The following MEGF10 variants were observed in gnomAD, a reference collection of about 807,000 sequenced individuals.
MEGF10 encodes the protein multiple EGF like domains 10, also known as multiple epidermal growth factor-like domains protein 10.
Under a neutral mutation model 147.5 loss-of-function variants are expected in MEGF10, and 86 were observed. That is an observed-to-expected ratio of 0.58 (90% CI 0.49 to 0.70). MEGF10 has a LOEUF of 0.70. MEGF10 is among the 30% of genes least tolerant of loss of function. The pLI is 0.00. For synonymous variants in MEGF10, 478 were observed against 525.5 expected (o/e 0.91, Z 1.24); for missense variants, 1,329 against 1,487.3 (o/e 0.89, Z 1.75).
intron 5 of MEGF10, among the ~76,000 whole-genome samples, chr5:127,383,051 A>G (rs1763313929): frequency 6.6e-6 from 1 of 152,184 alleles, no homozygotes; most frequent in Non-Finnish European, 1.5e-5. Context: ...TCTAGAGTAG[A>G]ATTTTAATGT....
At chr5:127,259,495 C>A in the MEGF10 span, among the ~76,000 whole-genome samples, 1 of 152,178 alleles carries the variant, frequency 6.6e-6, no homozygotes, top group South Asian at 2.1e-4. Flanking sequence ...TTGCTGTGAC[C>A]TAGAAACTAT....
Position 127,434,671 on chromosome 5 carries a change from T to G in MEGF10, c.1841-16T>G. 1 of 1,599,898 alleles carries G rather than the reference T, an allele frequency of 6.3e-7. No homozygotes were observed. The highest frequency in any genetic ancestry group is 1.1e-5 in the South Asian group (1 of 89,354). On this transcript the variant is annotated splice_polypyrimidine_tract_variant and intron_variant, in intron 14 of 24. Coordinates refer to ENST00000503335, the MANE Select transcript of MEGF10 (RefSeq NM_001256545.2). ...CATCTCAGAAGGATAACTGCTGATT[T>G]CCCTTCTGTTTTCAGTCTGCTCCCC...
At chr5:127,427,441 A>G (rs968012299) in intron 13 of MEGF10, among the ~76,000 whole-genome samples, 3 of 152,082 alleles carry the variant, frequency 2.0e-5, no homozygotes, top group Non-Finnish European at 4.4e-5. Flanking sequence ...CTATCAAGGC[A>G]TGGTATAATT....
intron 13 of MEGF10, among the ~76,000 whole-genome samples, chr5:127,431,586 G>A (rs190927222): frequency 3.3e-5 from 5 of 152,216 alleles, no homozygotes; most frequent in East Asian, 3.9e-4. Flanking sequence ...CAAAATCTTC[G>A]TTGGGATTTG....
intron 16 of MEGF10, 56 bp downstream of exon 16, chr5:127,435,545 T>G: frequency 6.5e-7 from 1 of 1,530,504 alleles, no homozygotes; most frequent in Admixed American, 1.9e-5. Context: ...GTTTTCAGAT[T>G]CTTTAGGATT....
chr5:127,272,950 A>G, the MEGF10 span, among the ~76,000 whole-genome samples: 1 of 152,176 alleles, frequency 6.6e-6, no homozygotes, highest in African/African-American at 2.4e-5. Flanking sequence ...CCCTGGCCAG[A>G]TCTTCCAATG....
chr5:127,410,730 G>A, intron 9 of MEGF10, 129 bp downstream of exon 9: 1 of 786,730 alleles, frequency 1.3e-6, no homozygotes, highest in South Asian at 1.7e-5. Flanking sequence ...GCTACTCTGG[G>A]CAGGAATCGC....
At chr5:127,256,976 T>C in the MEGF10 span, among the ~76,000 whole-genome samples, 1 of 151,884 alleles carries the variant, frequency 6.6e-6, no homozygotes, top group Non-Finnish European at 1.5e-5. Flanking sequence ...AAGAGGGAGA[T>C]GGGGAGTAGG....
the MEGF10 span, among the ~76,000 whole-genome samples, chr5:127,254,716 C>G: frequency 3.3e-5 from 5 of 150,996 alleles, no homozygotes; most frequent in Admixed American, 2.6e-4. Flanking sequence ...GAGGCTGAGG[C>G]AGGAGAATTG....
chr5:127,316,512 T>A (rs1760554118), intron 1 of MEGF10, among the ~76,000 whole-genome samples: 1 of 152,216 alleles, frequency 6.6e-6, no homozygotes, highest in African/African-American at 2.4e-5. Flanking sequence ...TTTTTCATAT[T>A]TGTAATCACT....
the MEGF10 span, among the ~76,000 whole-genome samples, chr5:127,238,029 CTATATATATATATATATATATA>C: frequency 1.4e-4 from 19 of 139,192 alleles, no homozygotes; most frequent in Admixed American, 1.4e-4. Flanking sequence ...AAACTTCAGA[CTATATATATATATATATATATA>C]TATATATATA....
the MEGF10 span, among the ~76,000 whole-genome samples, chr5:127,281,359 A>G: frequency 7.9e-5 from 12 of 152,092 alleles, no homozygotes; most frequent in Admixed American, 3.9e-4. Context: ...GATTTCTCCT[A>G]CATTGTTTTC....
chr5:127,235,676 G>A, the MEGF10 span, among the ~76,000 whole-genome samples: 1 of 152,186 alleles, frequency 6.6e-6, no homozygotes, highest in Non-Finnish European at 1.5e-5. Flanking sequence ...TTGGAGCTGA[G>A]TACTGACAAT....
At chr5:127,325,835 A>G (rs1050886933) in intron 1 of MEGF10, among the ~76,000 whole-genome samples, 1 of 132,244 alleles carries the variant, frequency 7.6e-6, no homozygotes, top group Non-Finnish European at 1.8e-5. Context: ...GAGTATATAT[A>G]TATATATACA....
chr5:127,398,397 G>A (rs1299650358), intron 6 of MEGF10, among the ~76,000 whole-genome samples: 1 of 152,156 alleles, frequency 6.6e-6, no homozygotes, highest in Non-Finnish European at 1.5e-5. Flanking sequence ...TCATCAATGA[G>A]TGTTTGGCCA....
At chr5:127,390,931 C>T (rs1763633017) in intron 5 of MEGF10, among the ~76,000 whole-genome samples, 2 of 152,106 alleles carry the variant, frequency 1.3e-5, no homozygotes, top group Admixed American at 6.5e-5. Flanking sequence ...ATAGGGACAA[C>T]AATAGCACCT....
chr5:127,290,415 TA>T (rs1304238462), upstream of MEGF10, among the ~76,000 whole-genome samples: 1 of 152,096 alleles, frequency 6.6e-6, no homozygotes, highest in Admixed American at 6.5e-5. Context: ...CACAAATCCT[TA>T]CAGAGGGTCT....
chr5:127,269,244 T>C, the MEGF10 span, among the ~76,000 whole-genome samples: 2 of 152,230 alleles, frequency 1.3e-5, no homozygotes, highest in East Asian at 3.8e-4. Flanking sequence ...TGGAGAATGA[T>C]TTTGACGAGT....
Position 127,457,430 on chromosome 5 carries a change from A to G in MEGF10, c.*112A>G, listed in dbSNP as rs562304770. 10 of 1,174,468 alleles carry G rather than the reference A, an allele frequency of 8.5e-6. No homozygotes were observed. The highest frequency in any genetic ancestry group is 3.1e-5 in the African/African-American group (2 of 65,144). 72.8% of individuals were successfully genotyped at this position (1,174,468 alleles called of 1,614,324 possible). On this transcript the variant is annotated 3_prime_UTR_variant, in exon 25 of 25. Coordinates refer to ENST00000503335, the MANE Select transcript of MEGF10 (RefSeq NM_001256545.2). ...TGAATGTTAGTCAATTCGGTGGGCA[A>G]TTTTTGGACATGAACCAGAAAGCTG... is the stretch of plus-strand genomic sequence containing the variant.
Sources: gnomAD v4.1 joint callset for allele counts (sites outside exome capture counted in the v4.1 genomes callset) on GRCh38, gnomAD v4.1.1 for gene constraint, MANE v1.5 for transcripts, NCBI Gene and HGNC (gene_info 2026-07-23, HGNC 2026-07-21) for gene names.